The following FAM227B variants were observed in gnomAD, a reference collection of about 807,000 sequenced individuals.
FAM227B encodes protein FAM227B.
A neutral mutation model predicts 73.8 loss-of-function variants in FAM227B; 88 were observed. That is an observed-to-expected ratio of 1.19 (90% CI 1.00 to 1.42). The LOEUF (loss-of-function observed/expected upper bound fraction) is 1.42, where lower values mean the gene tolerates loss of function less well. FAM227B is among the 40% of genes most tolerant of loss of function. FAM227B has a pLI of 0.00. For missense variants in FAM227B, 632 were observed against 590.9 expected, an observed-to-expected ratio of 1.07 and a Z score of -0.72; for synonymous variants, 210 against 190.5, an observed-to-expected ratio of 1.10 and a Z score of -0.84.
At chr15:49,387,908 C>T (rs983762456) in intron 11 of FAM227B, among the ~76,000 whole-genome samples, 1 of 151,376 alleles carries the variant, frequency 6.6e-6, no homozygotes, top group Non-Finnish European at 1.5e-5. Flanking sequence ...AAAATACCTA[C>T]GAATATATTT....
At chr15:49,388,267 C>T (rs1254117491) in intron 11 of FAM227B, among the ~76,000 whole-genome samples, 2 of 151,868 alleles carry the variant, frequency 1.3e-5, no homozygotes, top group Admixed American at 1.3e-4. Context: ...CAGCATGATA[C>T]TGATACAAAA....
chr15:49,528,859 T>A (rs898433611), intron 10 of FAM227B, among the ~76,000 whole-genome samples: 2 of 151,466 alleles, frequency 1.3e-5, no homozygotes, highest in African/African-American at 4.8e-5. Flanking sequence ...AAAAGGTAAC[T>A]TACACACCAT....
At position 49,590,019 on chromosome 15, in the gene FAM227B, G is replaced by A. The variant is rs775749057; in HGVS notation, c.106-12C>T. The A allele has an allele frequency of 4.6e-5, 61 of 1,331,824 alleles. 1 individual carries two copies. The highest frequency in any genetic ancestry group is 8.4e-5 in the South Asian group (7 of 83,652). 82.5% of individuals were successfully genotyped at this position (1,331,824 alleles called of 1,614,324 possible). ...CTTGGCCAATAATCCTGCAAAAAACGTGAAAGAGAGAATATAGCTTAAGTC... is the reference window on the plus strand; with the variant it reads ...CTTGGCCAATAATCCTGCAAAAAACATGAAAGAGAGAATATAGCTTAAGTC... On this transcript the variant is annotated splice_polypyrimidine_tract_variant and intron_variant, in intron 3 of 15. Coordinates refer to ENST00000299338, the MANE Select transcript of FAM227B (RefSeq NM_152647.3).
intron 13 of FAM227B, among the ~76,000 whole-genome samples, chr15:49,346,212 G>A (rs1462477080): frequency 6.6e-6 from 1 of 152,132 alleles, no homozygotes; most frequent in African/African-American, 2.4e-5. Context: ...ATTCAAACTG[G>A]TTGAGACCAC....
chr15:49,479,599 G>T (rs12901446), intron 11 of FAM227B, among the ~76,000 whole-genome samples: 1,923 of 63,312 alleles, frequency 0.03, 43 homozygotes, highest in East Asian at 0.14. Flanking sequence ...TAATACCTCT[G>T]TTTTTTTTTT....
At chr15:49,356,784 T>G (rs2043238703) in intron 13 of FAM227B, among the ~76,000 whole-genome samples, 2 of 60,876 alleles carry the variant, frequency 3.3e-5, no homozygotes, top group African/African-American at 1.5e-4. Context: ...AATATACATT[T>G]TTTTCAGCAC....
In FAM227B at chr15:49,374,292, A is replaced by G. The variant is rs577051846; in HGVS notation, c.1013-2893T>C. ...ATTCCCGAGATTTTTAGTTGTTCCA[A>G]TGAAGTCTAGGAAGGAATCCAATAA... On this transcript the variant is annotated intron_variant, in intron 11 of 15. Coordinates refer to ENST00000299338, the MANE Select transcript of FAM227B (RefSeq NM_152647.3). 7.2e-5 allele frequency among the ~76,000 whole-genome samples: 11 copies of G among 152,304 alleles called. No homozygotes were observed. In the South Asian group the frequency reaches 1.7e-3, roughly 23 times the overall value.
chr15:49,603,027 A>G (rs2077301654), intron 3 of FAM227B, among the ~76,000 whole-genome samples: 1 of 152,156 alleles, frequency 6.6e-6, no homozygotes. Flanking sequence ...TGCCAGTACC[A>G]TGCTGTTTTG....
At chr15:49,560,978 A>G (rs2074207290) in intron 9 of FAM227B, among the ~76,000 whole-genome samples, 1 of 152,192 alleles carries the variant, frequency 6.6e-6, no homozygotes, top group African/African-American at 2.4e-5. Flanking sequence ...AATAGAAGAT[A>G]GAAAACAATA....
At chr15:49,379,431 T>C (rs1211280269) in intron 11 of FAM227B, among the ~76,000 whole-genome samples, 1 of 152,182 alleles carries the variant, frequency 6.6e-6, no homozygotes, top group African/African-American at 2.4e-5. Flanking sequence ...GGCTTTTCTT[T>C]ACCAGGAGAC....
chr15:49,465,505 G>A (rs1341297313), intron 11 of FAM227B, among the ~76,000 whole-genome samples: 4 of 152,030 alleles, frequency 2.6e-5, no homozygotes, highest in Non-Finnish European at 4.4e-5. Flanking sequence ...AGAGTACATA[G>A]AAAACATATG....
At chr15:49,442,828 G>A (rs1377682231) in intron 11 of FAM227B, among the ~76,000 whole-genome samples, 2 of 151,610 alleles carry the variant, frequency 1.3e-5, no homozygotes, top group Admixed American at 1.3e-4. Context: ...GCTTCCACAC[G>A]ACACCTATAT....
chr15:49,342,484 A>T (rs901455871), intron 13 of FAM227B, among the ~76,000 whole-genome samples: 5 of 152,270 alleles, frequency 3.3e-5, no homozygotes, highest in Admixed American at 6.5e-5. Flanking sequence ...CTTTTATCCA[A>T]CTTGCAACTC....
rs180770102 is a variant in FAM227B at position 49,441,839 on chromosome 15, T to C, written c.1012+66372A>G. The stretch of plus-strand genomic sequence containing the variant: ...GAATTCCTATCAGTCACATGACTAA[T>C]TGCATACAGTGTTTCTCAGTGGTCA... On this transcript the variant is annotated intron_variant, in intron 11 of 15. Coordinates refer to ENST00000299338, the MANE Select transcript of FAM227B (RefSeq NM_152647.3). Among the ~76,000 whole-genome samples the C allele has an allele frequency of 3.4e-4, 52 of 151,774 alleles. 1 individual carries two copies. Among genetic ancestry groups the C allele is most frequent in the East Asian group, 2.0e-4 (1 of 5,126 alleles).
chr15:49,563,315 A>G (rs1185516621), intron 9 of FAM227B, among the ~76,000 whole-genome samples: 1 of 152,186 alleles, frequency 6.6e-6, no homozygotes, highest in African/African-American at 2.4e-5. Flanking sequence ...GGAAAACTAC[A>G]AAACACTGCT....
chr15:49,494,744 T>G (rs2057448931), intron 11 of FAM227B, among the ~76,000 whole-genome samples: 1 of 152,190 alleles, frequency 6.6e-6, no homozygotes, highest in Admixed American at 6.5e-5. Context: ...GATACTGTTT[T>G]GTTCCCTTAT....
At chr15:49,415,070 C>T (rs1448575766) in intron 11 of FAM227B, among the ~76,000 whole-genome samples, 1 of 152,150 alleles carries the variant, frequency 6.6e-6, no homozygotes, top group Non-Finnish European at 1.5e-5. Context: ...ATTACTTTTA[C>T]TCTGCCTCTT....
chr15:49,463,932 T>TTTTTG (rs2054034697), intron 11 of FAM227B, among the ~76,000 whole-genome samples: 1 of 151,710 alleles, frequency 6.6e-6, no homozygotes, highest in Admixed American at 6.6e-5. Context: ...TTTGTTTGTT[T>TTTTTG]TTTGTTTGTT....
At chr15:49,592,446 G>T (rs1218615253) in intron 3 of FAM227B, among the ~76,000 whole-genome samples, 1 of 152,200 alleles carries the variant, frequency 6.6e-6, no homozygotes, top group African/African-American at 2.4e-5. Flanking sequence ...GTCTGTTGGA[G>T]TTTGCTGGTG....
Sources: gnomAD v4.1 joint callset for allele counts (sites outside exome capture counted in the v4.1 genomes callset) on GRCh38, gnomAD v4.1.1 for gene constraint, MANE v1.5 for transcripts, NCBI Gene and HGNC (gene_info 2026-07-23, HGNC 2026-07-21) for gene names.